The following MECR variants were observed in gnomAD, a reference collection of about 807,000 sequenced individuals.
The protein encoded by MECR is enoyl-[acyl-carrier-protein] reductase, mitochondrial.
Under a neutral mutation model 49.1 loss-of-function variants are expected in MECR, and 37 were observed. The ratio of observed to expected loss-of-function variants is 0.75; its 90% CI spans 0.58 to 0.99. The LOEUF (loss-of-function observed/expected upper bound fraction) is 0.99, where lower values mean the gene tolerates loss of function less well. Among genes scored for constraint, MECR ranks in the 50% least tolerant of loss-of-function variants. The pLI is 0.00. For missense variants in MECR, 470 were observed against 479.6 expected (o/e 0.98, Z 0.19); for synonymous variants, 198 against 191.1 (o/e 1.04, Z -0.30).
chr1:29,212,712 C>A (rs1447654012), intron 3 of MECR, among the ~76,000 whole-genome samples: 1 of 152,230 alleles, frequency 6.6e-6, no homozygotes, highest in Non-Finnish European at 1.5e-5. Flanking sequence ...CCTTTCCAGA[C>A]CAATGGTTTC....
downstream of MECR, among the ~76,000 whole-genome samples, chr1:29,188,326 A>C (rs1284789658): frequency 3.3e-5 from 5 of 151,546 alleles, no homozygotes; most frequent in African/African-American, 4.8e-5. Flanking sequence ...ACGAGCTGGG[A>C]TTACAGGTGC....
At chr1:29,199,014 G>C (rs1674679672) in intron 7 of MECR, among the ~76,000 whole-genome samples, 1 of 152,174 alleles carries the variant, frequency 6.6e-6, no homozygotes, top group South Asian at 2.1e-4. Flanking sequence ...ACACAGTCTG[G>C]TGCATGGTGA....
At chr1:29,218,981 T>A (rs545855660) in intron 1 of MECR, among the ~76,000 whole-genome samples, 4 of 152,222 alleles carry the variant, frequency 2.6e-5, no homozygotes, top group Non-Finnish European at 5.9e-5. Flanking sequence ...CACTACAAAG[T>A]AGCAAGTGGC....
At chr1:29,181,571 C>T in the MECR span, 339 of 1,311,986 alleles carry the variant, frequency 2.6e-4, 2 homozygotes, top group South Asian at 1.1e-3. Flanking sequence ...AGGCGTCCCT[C>T]TCCCGTCCCC....
At chr1:29,218,972 A>G (rs1558490356) in intron 1 of MECR, among the ~76,000 whole-genome samples, 1 of 152,170 alleles carries the variant, frequency 6.6e-6, no homozygotes, top group Non-Finnish European at 1.5e-5. Flanking sequence ...GCTTATGGCC[A>G]CTACAAAGTA....
the MECR span, among the ~76,000 whole-genome samples, chr1:29,182,144 T>G: frequency 6.6e-6 from 1 of 152,194 alleles, no homozygotes; most frequent in East Asian, 1.9e-4. Flanking sequence ...CCCGGAAGTG[T>G]CCGCACCTCC....
At chr1:29,182,219 G>A in the MECR span, among the ~76,000 whole-genome samples, 1 of 152,218 alleles carries the variant, frequency 6.6e-6, no homozygotes, top group South Asian at 2.1e-4. Context: ...GGATTTCGGA[G>A]CTGGAGCTTT....
chr1:29,198,251 T>G (rs549762147), intron 7 of MECR, among the ~76,000 whole-genome samples: 1 of 152,342 alleles, frequency 6.6e-6, no homozygotes, highest in South Asian at 2.1e-4. Flanking sequence ...CACGAACTGG[T>G]ACTGGTCTGC....
In MECR at chr1:29,216,597, T is replaced by C. The variant is rs1258936550; in HGVS notation, c.265A>G (p.Met89Val). Residue 89 changes from methionine (M) to valine (V), a missense_variant, in exon 2 of 10, where the codon ATG becomes GTG. Met to Val is a conservative substitution (Grantham distance 21). Transcript: ENST00000263702. ...CAGAAACCAAGGTTACCTTGGATCA[T>C]ATTTATGTCAGATGGATTGATAGGG... ...AAPINPSDIN[M>V]IQGNYGFLPE... is the part of the protein sequence containing the mutation. The C allele has an allele frequency of 5.6e-6, 9 of 1,614,082 alleles. No homozygotes were observed. The South Asian group carries it at 7.7e-5, about 14-fold the overall frequency.
chr1:29,193,965 C>T lies in MECR; in HGVS notation c.*57G>A, dbSNP rs1013562142. ...GTGGGAGCCCCAACTGAGGGGCCTG[C>T]ACCCAGCCCCTCAGATCCGCCTCCC... On this transcript the variant is annotated 3_prime_UTR_variant, in exon 10 of 10. Coordinates refer to ENST00000263702, the MANE Select transcript of MECR (RefSeq NM_016011.5). 5.7e-5 allele frequency: 91 copies of T among 1,591,856 alleles called. No individual in the cohort carries two copies. The highest frequency in any genetic ancestry group is 7.8e-5 in the Non-Finnish European group (91 of 1,163,676).
chr1:29,176,579 T>A, the MECR span, among the ~76,000 whole-genome samples: 1 of 151,622 alleles, frequency 6.6e-6, no homozygotes, highest in Non-Finnish European at 1.5e-5. Flanking sequence ...TACTTCCTAA[T>A]CTGTCAAGAA....
chr1:29,230,701 C>T, intron 1 of MECR, 30 bp downstream of exon 1: 1 of 1,554,266 alleles, frequency 6.4e-7, no homozygotes, highest in East Asian at 2.4e-5. Flanking sequence ...AACCCCAGTC[C>T]CCTTCCCCGG....
rs192363571 is a variant in MECR, at chr1:29,210,157, C to T, written c.407-3252G>A. On this transcript the variant is annotated intron_variant, in intron 3 of 9. Coordinates refer to ENST00000263702, the MANE Select transcript of MECR (RefSeq NM_016011.5). The stretch of plus-strand genomic sequence containing the variant: ...TCCCAAGTAGCTGGGACTACACGTG[C>T]CCGCCACCACACCCGGCTAATTTTT... Among the ~76,000 whole-genome samples, 17 of 152,166 alleles carry T rather than the reference C, an allele frequency of 1.1e-4. No homozygotes were observed. The East Asian group carries it at 2.9e-3, about 26-fold the overall frequency.
chr1:29,206,493 T>C (rs1676602761), intron 4 of MECR, among the ~76,000 whole-genome samples: 1 of 152,166 alleles, frequency 6.6e-6, no homozygotes, highest in African/African-American at 2.4e-5. Flanking sequence ...TCAACACATT[T>C]TTGCTGAATG....
At chr1:29,176,515 T>G in the MECR span, among the ~76,000 whole-genome samples, 1 of 149,940 alleles carries the variant, frequency 6.7e-6, no homozygotes, top group Non-Finnish European at 1.5e-5. Flanking sequence ...AAAAAAATAC[T>G]GTAACAGCTC....
chr1:29,190,823 T>C (rs1377058800), downstream of MECR, among the ~76,000 whole-genome samples: 3 of 144,300 alleles, frequency 2.1e-5, no homozygotes, highest in African/African-American at 2.6e-5. Context: ...AAAAAAGAGG[T>C]TCCTAAGAAA....
chr1:29,177,653 A>G, the MECR span, among the ~76,000 whole-genome samples: 1 of 152,126 alleles, frequency 6.6e-6, no homozygotes, highest in African/African-American at 2.4e-5. Context: ...GGAATGGTCT[A>G]TATGATCCTG....
intron 6 of MECR, 112 bp from the exon 7 acceptor site, chr1:29,200,701 TG>T (rs1460622165): frequency 1.2e-6 from 1 of 840,038 alleles, no homozygotes; most frequent in African/African-American, 1.7e-5. Context: ...TTTATGCCTT[TG>T]TTTGCGTGCA....
intron 9 of MECR, among the ~76,000 whole-genome samples, chr1:29,194,557 G>A (rs985198760): frequency 2.6e-5 from 4 of 152,148 alleles, no homozygotes; most frequent in Non-Finnish European, 4.4e-5. Context: ...CAGAGAGGGA[G>A]TGGGTATGCC....
Sources: allele counts gnomAD v4.1 joint callset (sites outside exome capture counted in the v4.1 genomes callset), GRCh38; gene constraint gnomAD v4.1.1; transcripts MANE v1.5; gene names NCBI Gene and HGNC (gene_info 2026-07-23, HGNC 2026-07-21).